Variants in TRPM3 observed in about 807,000 individuals in gnomAD.
The protein encoded by TRPM3 is transient receptor potential cation channel subfamily M member 3.
TRPM3 carries 77 observed loss-of-function variants against 181.2 expected under a neutral mutation model. The ratio of observed to expected loss-of-function variants is 0.42; its 90% CI spans 0.35 to 0.51. The LOEUF is 0.51. TRPM3 is among the 20% of genes least tolerant of loss of function. The pLI is 0.01. For synonymous variants in TRPM3, 745 were observed against 796.4 expected, an observed-to-expected ratio of 0.94 and a Z score of 1.09; for missense variants, 1,759 against 2,196.7, an observed-to-expected ratio of 0.80 and a Z score of 3.98.
intron 3 of TRPM3, among the ~76,000 whole-genome samples, chr9:70,853,458 AG>A (rs2095299771): frequency 6.6e-6 from 1 of 152,236 alleles, no homozygotes; most frequent in Non-Finnish European, 1.5e-5. Context: ...ACTTTTCCCC[AG>A]ACCAAACATC....
At chr9:70,785,625 A>G (rs1256969395) in intron 6 of TRPM3, among the ~76,000 whole-genome samples, 1 of 152,214 alleles carries the variant, frequency 6.6e-6, no homozygotes, top group Non-Finnish European at 1.5e-5. Context: ...ATCTGATATC[A>G]AGAAACTGCT....
chr9:70,635,652 G>T (rs530318387), intron 11 of TRPM3, among the ~76,000 whole-genome samples: 3 of 151,394 alleles, frequency 2.0e-5, no homozygotes, highest in East Asian at 1.9e-4. Context: ...TTAAAGATGG[G>T]GGTCTCACTA....
chr9:70,996,955 C>G (rs1290014543), intron 1 of TRPM3, among the ~76,000 whole-genome samples: 1 of 152,126 alleles, frequency 6.6e-6, no homozygotes, highest in East Asian at 1.9e-4. Context: ...ATGAATATAT[C>G]CTTTTAATAC....
chr9:70,598,815 C>A (rs2059424924), intron 20 of TRPM3, 145 bp from the exon 21 acceptor site: 3 of 962,524 alleles, frequency 3.1e-6, no homozygotes, highest in East Asian at 4.9e-5. Flanking sequence ...CTGTAAAAGT[C>A]CGACTGAGCT....
In TRPM3 at chr9:70,651,080, C is replaced by T. The variant is rs1336972622; in HGVS notation, c.1346-10420G>A. The stretch of plus-strand genomic sequence containing the variant: ...TACACATATGAAAGTGAATGAAGAT[C>T]TGCAGTATAGAAAAGGTGTGTACAA... On this transcript the variant is annotated intron_variant, in intron 9 of 25. Transcript: ENST00000677713. 4.6e-5 allele frequency among the ~76,000 whole-genome samples: 7 copies of T among 152,180 alleles called. No individual in the cohort carries two copies. The South Asian group carries it at 1.5e-3, about 32-fold the overall frequency.
chr9:71,441,427 C>A (rs2094135009), intron 1 of TRPM3, among the ~76,000 whole-genome samples: 1 of 151,992 alleles, frequency 6.6e-6, no homozygotes, highest in Non-Finnish European at 1.5e-5. Context: ...CAGGAGAGCC[C>A]TTTGTGTAAC....
At chr9:71,102,933 C>T (rs1327473752) in intron 1 of TRPM3, among the ~76,000 whole-genome samples, 1 of 152,106 alleles carries the variant, frequency 6.6e-6, no homozygotes, top group African/African-American at 2.4e-5. Context: ...GTTCTGAGTC[C>T]ATTACACATA....
chr9:70,987,846 T>C (rs181928736), intron 1 of TRPM3, among the ~76,000 whole-genome samples: 89 of 152,194 alleles, frequency 5.8e-4, no homozygotes, highest in Non-Finnish European at 1.0e-3. Flanking sequence ...TATTTAAAAA[T>C]TTTATTTTAT....
intron 1 of TRPM3, among the ~76,000 whole-genome samples, chr9:71,253,872 C>T (rs1332695771): frequency 1.3e-5 from 2 of 151,810 alleles, no homozygotes; most frequent in Non-Finnish European, 2.9e-5. Flanking sequence ...TATTCAACCG[C>T]AAAAAAGAAG....
At chr9:70,949,573 G>T (rs533484819) in intron 1 of TRPM3, among the ~76,000 whole-genome samples, 1 of 151,362 alleles carries the variant, frequency 6.6e-6, no homozygotes, top group Non-Finnish European at 1.5e-5. Flanking sequence ...ATGGGGTCTT[G>T]GTCTGTCGAC....
At chr9:71,348,230 C>T (rs1387645206) in intron 1 of TRPM3, among the ~76,000 whole-genome samples, 1 of 152,044 alleles carries the variant, frequency 6.6e-6, no homozygotes, top group Non-Finnish European at 1.5e-5. Context: ...TTAGAAATTA[C>T]CCAGAAAAAG....
rs573523610 is a variant in TRPM3, at chr9:70,754,491, A to G, written c.1272+7110T>C. Among the ~76,000 whole-genome samples, 4 of 152,322 alleles carry G rather than the reference A, an allele frequency of 2.6e-5. No homozygotes were observed. The South Asian group carries it at 8.3e-4, about 32-fold the overall frequency. On this transcript the variant is annotated intron_variant, in intron 8 of 25. Transcript: ENST00000677713. ...AGGAGTGAATTACTTCAAGATCTAT[A>G]TGAAATGAGCAGAAAGTACAGCAGT...
intron 1 of TRPM3, among the ~76,000 whole-genome samples, chr9:71,102,018 GTTCCAGCA>G (rs940976926): frequency 5.9e-5 from 9 of 152,194 alleles, no homozygotes; most frequent in African/African-American, 2.2e-4. Context: ...TGAAGGTGGA[GTTCCAGCA>G]TGCTTTTTTC....
At chr9:71,159,155 T>C (rs1177748329) in intron 1 of TRPM3, among the ~76,000 whole-genome samples, 1 of 151,762 alleles carries the variant, frequency 6.6e-6, no homozygotes, top group East Asian at 1.9e-4. Context: ...CATTCATCCA[T>C]GTATCCAATT....
intron 6 of TRPM3, among the ~76,000 whole-genome samples, chr9:70,820,541 T>C (rs923855175): frequency 1.1e-4 from 17 of 152,136 alleles, no homozygotes; most frequent in African/African-American, 3.4e-4. Flanking sequence ...TTATAAGACA[T>C]TCTGATGAAC....
In TRPM3 at chr9:70,771,269, G is replaced by A. The variant is rs75758824; in HGVS notation, c.1149-9545C>T. Among the ~76,000 whole-genome samples, 396 of 152,202 alleles carry A rather than the reference G, an allele frequency of 2.6e-3. 9 individuals carry two copies. Among genetic ancestry groups the A allele is most frequent in the East Asian group, 0.026 (134 of 5,168 alleles). On this transcript the variant is annotated intron_variant, in intron 7 of 25. Transcript: ENST00000677713. ...GATATTTAGGATAAAAGAATGATAC[G>A]GTTTTAGAGCAACCATTCTATGGAT...
At chr9:70,982,695 T>C (rs549906879) in intron 1 of TRPM3, among the ~76,000 whole-genome samples, 3 of 152,278 alleles carry the variant, frequency 2.0e-5, no homozygotes, top group African/African-American at 7.2e-5. Flanking sequence ...TTGAAAGTTC[T>C]CTCATTATTT....
At chr9:71,446,619 A>G (rs778658570) in intron 1 of TRPM3, 28 of 1,542,262 alleles carry the variant, frequency 1.8e-5, no homozygotes, top group Non-Finnish European at 2.5e-5. Flanking sequence ...GGAGAAAAGA[A>G]AGCAAAGACT....
At position 70,535,400 on chromosome 9, in the gene TRPM3, G is replaced by A. The variant is rs769781223; in HGVS notation, c.*553C>T. The A allele has an allele frequency of 1.6e-4, 254 of 1,550,122 alleles. No individual in the cohort carries two copies. The African/African-American group carries it at 3.3e-3, about 20-fold the overall frequency. ...AAGTGTTGGCATGAGAAGGATGTGG[G>A]ACGTTAGGTAGAACTGCTTGCTGCC... On this transcript the variant is annotated 3_prime_UTR_variant, in exon 26 of 26. Coordinates refer to ENST00000677713, the MANE Select transcript of TRPM3 (RefSeq NM_001366145.2).
Sources: gnomAD v4.1 joint callset for allele counts (sites outside exome capture counted in the v4.1 genomes callset) on GRCh38, gnomAD v4.1.1 for gene constraint, MANE v1.5 for transcripts, NCBI Gene and HGNC (gene_info 2026-07-23, HGNC 2026-07-21) for gene names.